Variants in LRBA observed in about 807,000 individuals in gnomAD.
LRBA encodes lipopolysaccharide-responsive and beige-like anchor protein.
A neutral mutation model predicts 330.0 loss-of-function variants in LRBA; 176 were observed. The ratio of observed to expected loss-of-function variants is 0.53; its 90% CI spans 0.47 to 0.60. The LOEUF (loss-of-function observed/expected upper bound fraction) is 0.60. Among genes scored for constraint, LRBA ranks in the 20% least tolerant of loss-of-function variants. LRBA has a pLI of 0.00. For missense variants in LRBA, 3,259 were observed against 3,444.8 expected (o/e 0.95, Z 1.35); for synonymous variants, 1,230 against 1,193.0 (o/e 1.03, Z -0.64).
At chr4:150,567,104 T>G (rs1581696549) in intron 40 of LRBA, among the ~76,000 whole-genome samples, 1 of 152,252 alleles carries the variant, frequency 6.6e-6, no homozygotes, top group East Asian at 1.9e-4. Flanking sequence ...TACAAATTAT[T>G]TTGGAAATTT....
chr4:150,579,179 T>C (rs1770897524), intron 40 of LRBA: 2 of 455,874 alleles, frequency 4.4e-6, no homozygotes, highest in South Asian at 3.1e-5. Context: ...TTCGTTTTAA[T>C]ACACCATCAA....
At chr4:151,009,547 CAAA>C (rs1352710334) in intron 2 of LRBA, among the ~76,000 whole-genome samples, 1 of 83,446 alleles carries the variant, frequency 1.2e-5, no homozygotes. Flanking sequence ...GACTCTGTCT[CAAA>C]AAAAAAAAAA....
At chr4:150,347,458 C>A (rs1026931484) in intron 48 of LRBA, among the ~76,000 whole-genome samples, 2 of 152,012 alleles carry the variant, frequency 1.3e-5, no homozygotes, top group Admixed American at 1.3e-4. Flanking sequence ...CCAGCCTGGG[C>A]AACATGGTGA....
intron 28 of LRBA, among the ~76,000 whole-genome samples, chr4:150,837,892 G>C (rs1748398646): frequency 6.6e-6 from 1 of 152,174 alleles, no homozygotes; most frequent in African/African-American, 2.4e-5. Flanking sequence ...AGCATCGATG[G>C]TCTTTACAAT....
intron 40 of LRBA, chr4:150,581,403 A>G: frequency 2.3e-6 from 1 of 426,432 alleles, no homozygotes; most frequent in Non-Finnish European, 4.6e-6. Context: ...GGGAAGAGAA[A>G]GGAGGATGAC....
Position 150,798,138 on chromosome 4 carries a change from C to T in LRBA, c.5523G>A (p.Leu1841=). The part of the protein sequence containing the change: ...GQELLIEGTS[L]VCMKSSSSVV... Reference sequence around the variant, plus strand: ...CTGAACTACTCGACTTCATGCAAACCAGACCTATTTTAAAGAGAATTTTAA... The same window carrying T: ...CTGAACTACTCGACTTCATGCAAACTAGACCTATTTTAAAGAGAATTTTAA... Residue 1841 remains leucine, a synonymous_variant, in exon 34 of 57, where the codon CTG becomes CTA. Transcript: ENST00000651943. The T allele has an allele frequency of 1.3e-6, 2 of 1,598,852 alleles. No individual in the cohort carries two copies. The highest frequency in any genetic ancestry group is 1.7e-6 in the Non-Finnish European group (2 of 1,166,324).
At chr4:150,471,950 C>G (rs1309396737) in intron 42 of LRBA, among the ~76,000 whole-genome samples, 1 of 151,926 alleles carries the variant, frequency 6.6e-6, no homozygotes, top group Non-Finnish European at 1.5e-5. Flanking sequence ...TGTATTCATT[C>G]AGGTAAGCTG....
At position 150,683,532 on chromosome 4, in the gene LRBA, C is replaced by T. The variant is rs2126915578; in HGVS notation, c.5921+19G>A. On this transcript the variant is annotated intron_variant, in intron 37 of 56. Coordinates refer to ENST00000651943, the MANE Select transcript of LRBA (RefSeq NM_001364905.1). Reference sequence around the variant, plus strand: ...ATCTACAGAAAATCAGTGGCCAAATCCTAAAGGTATCCCTTTACCTCACTG... The same window carrying T: ...ATCTACAGAAAATCAGTGGCCAAATTCTAAAGGTATCCCTTTACCTCACTG... 6.2e-7 allele frequency: 1 copy of T among 1,605,212 alleles called. No individual in the cohort carries two copies. Among genetic ancestry groups the T allele is most frequent in the Non-Finnish European group, 8.5e-7 (1 of 1,172,840 alleles).
At chr4:151,002,161 G>A (rs536437153) in intron 2 of LRBA, among the ~76,000 whole-genome samples, 23 of 81,650 alleles carry the variant, frequency 2.8e-4, no homozygotes, top group Admixed American at 6.0e-4. Context: ...CCAGAGGAAA[G>A]ATATCAATGT....
chr4:150,381,722 G>A (rs1227589173), intron 47 of LRBA, among the ~76,000 whole-genome samples: 1 of 152,188 alleles, frequency 6.6e-6, no homozygotes, highest in Admixed American at 6.5e-5. Flanking sequence ...ATAACCAAGA[G>A]TGGAATTGCT....
rs1561456756 is a variant in LRBA at position 150,639,736 on chromosome 4, A to AATATATATATATATATATGTGTGTATGT, written c.5922-40606_5922-40605insACATACACACATATATATATATATATAT. 9.8e-5 allele frequency among the ~76,000 whole-genome samples: 5 copies of AATATATATATATATATATGTGTGTATGT among 51,150 alleles called. 2 individuals are homozygous for AATATATATATATATATATGTGTGTATGT. Among genetic ancestry groups the AATATATATATATATATATGTGTGTATGT allele is most frequent in the Non-Finnish European group, 1.1e-4 (3 of 28,086 alleles). 33.6% of individuals were successfully genotyped at this position (51,150 alleles called of 152,430 possible). On this transcript the variant is annotated intron_variant, in intron 37 of 56. Transcript: ENST00000651943. ...GAAGATAATCTGAGCCTATGCCCCA[A>AATATATATATATATATATGTGTGTATGT]ATATATATATATATATATATATATA...
intron 47 of LRBA, among the ~76,000 whole-genome samples, chr4:150,350,447 G>A (rs914935981): frequency 1.3e-5 from 2 of 151,814 alleles, no homozygotes; most frequent in Admixed American, 1.3e-4. Flanking sequence ...GCCTGCGCCT[G>A]TAATCCCAGC....
chr4:150,848,562 G>GAAAAAAAAAAAAAAAAAAAAAAAAAAA (rs9331496), intron 26 of LRBA, among the ~76,000 whole-genome samples: 1 of 120,044 alleles, frequency 8.3e-6, no homozygotes. Flanking sequence ...GGAGAAAAAA[G>GAAAAAAAAAAAAAAAAAAAAAAAAAAA]AAAAAAAAAA....
chr4:150,839,742 C>T (rs186811091), intron 28 of LRBA, among the ~76,000 whole-genome samples: 145 of 152,096 alleles, frequency 9.5e-4, no homozygotes, highest in African/African-American at 3.1e-3. Context: ...TGTCATGGGG[C>T]GGGGTTAGGG....
rs561759547 is a variant in LRBA, at chr4:150,370,535, A to C, written c.7195-20376T>G. On this transcript the variant is annotated intron_variant, in intron 47 of 56. Coordinates refer to ENST00000651943, the MANE Select transcript of LRBA (RefSeq NM_001364905.1). ...CAGTGGTTGCCAGGAGTGGAGGAGGAAGGGGGAATGAATAGGTGGAGCATA... is the reference window on the plus strand; with the variant it reads ...CAGTGGTTGCCAGGAGTGGAGGAGGCAGGGGGAATGAATAGGTGGAGCATA... Among the ~76,000 whole-genome samples the C allele has an allele frequency of 2.0e-5, 3 of 152,258 alleles. No homozygotes were observed. In the South Asian group the frequency reaches 6.2e-4, roughly 32 times the overall value.
intron 44 of LRBA, among the ~76,000 whole-genome samples, chr4:150,442,018 T>A (rs1751907477): frequency 6.6e-6 from 1 of 152,172 alleles, no homozygotes; most frequent in South Asian, 2.1e-4. Context: ...AATTTATATA[T>A]GAATGATTAC....
chr4:150,386,349 T>C (rs993859626), intron 47 of LRBA, among the ~76,000 whole-genome samples: 4 of 152,058 alleles, frequency 2.6e-5, no homozygotes, highest in Non-Finnish European at 5.9e-5. Context: ...CTATAGTATA[T>C]ATTAGTGACC....
chr4:150,554,900 G>C (rs1204573583), intron 40 of LRBA, among the ~76,000 whole-genome samples: 10 of 152,078 alleles, frequency 6.6e-5, no homozygotes, highest in Non-Finnish European at 1.3e-4. Flanking sequence ...TAAACTCAGT[G>C]TTTAAGGAAA....
chr4:150,306,137 A>T (rs116165111), intron 52 of LRBA, among the ~76,000 whole-genome samples: 70 of 152,312 alleles, frequency 4.6e-4, no homozygotes, highest in African/African-American at 1.6e-3. Context: ...TGTGGCCTGA[A>T]AATAATTCCG....
Sources: allele counts gnomAD v4.1 joint callset (sites outside exome capture counted in the v4.1 genomes callset), GRCh38; gene constraint gnomAD v4.1.1; transcripts MANE v1.5; gene names NCBI Gene and HGNC (gene_info 2026-07-23, HGNC 2026-07-21).